The following LTN1 variants were observed in gnomAD, a reference collection of about 807,000 sequenced individuals.
LTN1 encodes listerin E3 ubiquitin protein ligase 1.
In LTN1, 88 loss-of-function variants were observed where a neutral mutation model predicts 201.2. The observed-to-expected ratio is 0.44, with a 90% CI of 0.37 to 0.52. LTN1 has a LOEUF of 0.52. LTN1 is among the 20% of genes least tolerant of loss of function. The pLI is 0.00. For synonymous variants in LTN1, 645 were observed against 713.5 expected (o/e 0.90, Z 1.53); for missense variants, 1,752 against 2,038.7 (o/e 0.86, Z 2.71).
At chr21:28,938,417 A>G (rs141666658) in intron 25 of LTN1, among the ~76,000 whole-genome samples, 1 of 152,194 alleles carries the variant, frequency 6.6e-6, no homozygotes, top group Non-Finnish European at 1.5e-5. Flanking sequence ...TAACTTTTTT[A>G]TCTAAAAGAG....
At position 28,970,685 on chromosome 21, in the gene LTN1, T is replaced by A; in HGVS notation, c.1042A>T (p.Ile348Phe). 1 of 1,614,016 alleles carries A rather than the reference T, an allele frequency of 6.2e-7. No individual in the cohort carries two copies. Among genetic ancestry groups the A allele is most frequent in the Non-Finnish European group, 8.5e-7 (1 of 1,179,964 alleles). The change falls in exon 8 of 30, where the codon ATT becomes TTT. Residue 348 changes from isoleucine (I) to phenylalanine (F), a missense_variant. By Grantham distance (21) the Ile-to-Phe change is conservative. Transcript: ENST00000361371. ...GCTAGACCCCGACCACCTTCACGAA[T>A]CACAGTTGATAGCTTGGGAAACACA... ...KSVFPKLSTVIREGGRGLATV... is the reference protein window; with the variant it reads ...KSVFPKLSTVFREGGRGLATV...
In LTN1 at chr21:28,967,073, G is replaced by T; in HGVS notation, c.1418C>A (p.Thr473Lys). 2 of 1,613,976 alleles carry T rather than the reference G, an allele frequency of 1.2e-6. No homozygotes were observed. The highest frequency in any genetic ancestry group is 1.7e-6 in the Non-Finnish European group (2 of 1,179,974). Reference protein sequence around the residue: ...TLSSWEAKADTEKDEKTAHNL... With the variant: ...TLSSWEAKADKEKDEKTAHNL... ...GTGAGCTGTTTTTTCATCTTTTTCC[G>T]TGTCTGCTTTGGCTTCCCAGGAACT... The change falls in exon 10 of 30, where the codon ACG becomes AAG. Residue 473 changes from threonine to lysine, a missense_variant. Around this residue, in one of 3 missense-constraint regions of LTN1, gnomAD observed 1,211 missense variants for 1,312.8 expected, o/e 0.92. Coordinates refer to ENST00000361371, the MANE Select transcript of LTN1 (RefSeq NM_015565.3).
intron 11 of LTN1, among the ~76,000 whole-genome samples, chr21:28,962,730 G>A (rs2084489367): frequency 1.3e-5 from 2 of 152,184 alleles, no homozygotes; most frequent in African/African-American, 4.8e-5. Context: ...AGCTTAGCAA[G>A]GAAGGCATGT....
chr21:28,986,370 G>C lies in LTN1; in HGVS notation c.247-133C>G. The C allele has an allele frequency of 1.4e-6, 1 of 695,684 alleles. No individual in the cohort carries two copies. The highest frequency in any genetic ancestry group is 1.6e-5 in the South Asian group (1 of 61,874). The allele number at this position is 695,684 out of a possible 1,614,324, so 43.1% of individuals were successfully genotyped here. On this transcript the variant is annotated intron_variant, in intron 2 of 29. Transcript: ENST00000361371. The surrounding 1 kb of genome is among the most constrained non-coding windows in gnomAD (Gnocchi z 4.1). ...TTTCTCTTTATGCCATATGAGACTAGTTTGAAGAGCTCTTTCACAGGCTAC... is the reference window on the plus strand; with the variant it reads ...TTTCTCTTTATGCCATATGAGACTACTTTGAAGAGCTCTTTCACAGGCTAC...
In LTN1 at chr21:28,986,765, T is replaced by C. The variant is rs2084701429; in HGVS notation, c.212A>G (p.Lys71Arg). The change falls in exon 2 of 30, where the codon AAA becomes AGA. Residue 71 changes from lysine (K) to arginine (R), a missense_variant. Coordinates refer to ENST00000361371, the MANE Select transcript of LTN1 (RefSeq NM_015565.3). The surrounding 1 kb of genome is among the most constrained non-coding windows in gnomAD (Gnocchi z 4.1). The stretch of plus-strand genomic sequence containing the variant: ...TGTGGTGACATCTTTCTTTGAAAGT[T>C]TCCGCAGCACCATTCGGAAATCAGA... ...VDSDFRMVLR[K>R]LSKKDVTTKL... is the part of the protein sequence containing the mutation. The C allele has an allele frequency of 6.2e-7, 1 of 1,613,160 alleles. No homozygotes were observed. The highest frequency in any genetic ancestry group is 8.5e-7 in the Non-Finnish European group (1 of 1,179,774).
At chr21:28,981,061 TAAG>T in intron 6 of LTN1, 55 bp downstream of exon 6, 1 of 1,082,904 alleles carries the variant, frequency 9.2e-7, no homozygotes, top group Non-Finnish European at 1.3e-6. Flanking sequence ...AAACATAAAC[TAAG>T]AAGATGGGGG....
rs556857413 is a variant in LTN1 at position 28,959,281 on chromosome 21, G to A, written c.2593+177C>T. The stretch of plus-strand genomic sequence containing the variant: ...TGAGATCTTTAGAAATAACATCTAC[G>A]TACATCTTTAACTTGCTTTCTAGAG... On this transcript the variant is annotated intron_variant, in intron 13 of 29. Coordinates refer to ENST00000361371, the MANE Select transcript of LTN1 (RefSeq NM_015565.3). 2.1e-4 allele frequency: 137 copies of A among 650,750 alleles called. No individual in the cohort carries two copies. In the African/African-American group the frequency reaches 2.2e-3, roughly 10 times the overall value. The allele number at this position is 650,750 out of a possible 1,614,324, so 40.3% of individuals were successfully genotyped here.
intron 9 of LTN1, 35 bp downstream of exon 9, chr21:28,969,431 T>G (rs750999853): frequency 1.9e-6 from 3 of 1,577,940 alleles, no homozygotes. Context: ...ATAATCAGTA[T>G]GCAAAGAGAC....
rs1386446206 is a variant in LTN1 at position 28,981,130 on chromosome 21, T to G, written c.799A>C (p.Ser267Arg). ...QNKFWKYGKH[S>R]VPQIRSAYFE... is the part of the protein sequence containing the mutation. Reference sequence around the variant, plus strand: ...AAAGATTAATATACCTGAGGTACACTGTGTTTTCCATACTTCCAAAACTTA... The same window carrying G: ...AAAGATTAATATACCTGAGGTACACGGTGTTTTCCATACTTCCAAAACTTA... Residue 267 changes from serine (S) to arginine (R), a missense_variant, in exon 6 of 30, where the codon AGT (serine) becomes CGT (arginine). Ser to Arg is a moderately radical substitution (Grantham distance 110). Transcript: ENST00000361371. The G allele has an allele frequency of 1.9e-6, 3 of 1,555,078 alleles. No homozygotes were observed. The highest frequency in any genetic ancestry group is 4.6e-5 in the East Asian group (2 of 43,350).
chr21:28,953,467 G>A (rs911199002), intron 16 of LTN1, 91 bp from the exon 17 acceptor site: 5 of 904,704 alleles, frequency 5.5e-6, no homozygotes, highest in South Asian at 3.9e-5. Flanking sequence ...TTCTAACACT[G>A]TTGTGCCCAC....
chr21:28,988,141 C>CAAAAA (rs1271726378), intron 1 of LTN1, among the ~76,000 whole-genome samples: 4 of 77,962 alleles, frequency 5.1e-5, no homozygotes, highest in East Asian at 5.3e-4. Flanking sequence ...GACTCTGTCT[C>CAAAAA]AAAAAAAAAA....
Position 28,986,879 on chromosome 21 carries a change from G to T in LTN1, c.98C>A (p.Pro33His). ...ELLAKEQGTV[P>H]GFIGFGTSQS... ...AGATGTTCCAAAACCAATAAATCCAGGCACTGTTCCCTGTTCTTTGGCAAG... is the reference window on the plus strand; with the variant it reads ...AGATGTTCCAAAACCAATAAATCCATGCACTGTTCCCTGTTCTTTGGCAAG... Residue 33 changes from proline to histidine, a missense_variant, in exon 2 of 30, where the codon CCT becomes CAT. Coordinates refer to ENST00000361371, the MANE Select transcript of LTN1 (RefSeq NM_015565.3). The surrounding 1 kb of genome is among the most constrained non-coding windows in gnomAD (Gnocchi z 4.1). 1 of 1,614,158 alleles carries T rather than the reference G, an allele frequency of 6.2e-7. No homozygotes were observed. The highest frequency in any genetic ancestry group is 2.2e-5 in the East Asian group (1 of 44,876).
intron 21 of LTN1, among the ~76,000 whole-genome samples, chr21:28,945,549 A>G (rs529682958): frequency 6.6e-6 from 1 of 152,372 alleles, no homozygotes; most frequent in East Asian, 1.9e-4. Context: ...TGTGCTGCAA[A>G]TATTACAATA....
chr21:28,991,780 C>G (rs2248903), intron 1 of LTN1, among the ~76,000 whole-genome samples: 22,541 of 152,104 alleles, frequency 0.15, 2,006 homozygotes, highest in African/African-American at 0.25. Flanking sequence ...AGTGACAGAT[C>G]TAAGAAAATG....
Position 28,967,172 on chromosome 21 carries a change from G to C in LTN1, c.1319C>G (p.Pro440Arg), listed in dbSNP as rs774710590. The change falls in exon 10 of 30, where the codon CCT (proline) becomes CGT (arginine). Residue 440 changes from proline (P) to arginine (R), a missense_variant. By Grantham distance (103) the Pro-to-Arg change is moderately radical. Transcript: ENST00000361371. ...EQMLVNDQLI[P>R]FIDAVLKDPG... ...GTCTTTGAGAACTGCATCAATAAAAGGGATCAACTGAAAGAAAAGGTAGAA... is the reference window on the plus strand; with the variant it reads ...GTCTTTGAGAACTGCATCAATAAAACGGATCAACTGAAAGAAAAGGTAGAA... The C allele has an allele frequency of 1.2e-6, 2 of 1,600,354 alleles. No homozygotes were observed. The highest frequency in any genetic ancestry group is 8.5e-7 in the Non-Finnish European group (1 of 1,174,782).
intron 16 of LTN1, among the ~76,000 whole-genome samples, chr21:28,956,348 A>G (rs926019478): frequency 1.3e-5 from 2 of 152,240 alleles, no homozygotes; most frequent in South Asian, 2.1e-4. Context: ...TACACATTCT[A>G]TGTATATATC....
intron 6 of LTN1, among the ~76,000 whole-genome samples, chr21:28,972,440 G>A (rs2084582863): frequency 7.6e-6 from 1 of 131,464 alleles, no homozygotes; most frequent in Non-Finnish European, 1.5e-5. Context: ...TAATATAGTC[G>A]GCCCTCCATA....
chr21:28,934,521 T>C (rs762967910), intron 27 of LTN1, among the ~76,000 whole-genome samples: 1 of 152,186 alleles, frequency 6.6e-6, no homozygotes, highest in African/African-American at 2.4e-5. Flanking sequence ...CTCTCCCTCC[T>C]GCTCTGGCCA....
intron 6 of LTN1, among the ~76,000 whole-genome samples, chr21:28,973,692 T>C (rs556486357): frequency 6.6e-6 from 1 of 152,144 alleles, no homozygotes; most frequent in Admixed American, 6.5e-5. Context: ...CCATAAGGAC[T>C]GAGCAGATTG....
Sources: allele counts gnomAD v4.1 joint callset (sites outside exome capture counted in the v4.1 genomes callset), GRCh38; gene constraint gnomAD v4.1.1; regional missense constraint gnomAD v4.1.1; non-coding constraint Gnocchi (gnomAD v3.1); transcripts MANE v1.5; gene names NCBI Gene and HGNC (gene_info 2026-07-23, HGNC 2026-07-21).